The following DUSP3 variants were observed in gnomAD, a reference collection of about 807,000 sequenced individuals.
DUSP3 encodes the protein dual specificity protein phosphatase 3.
DUSP3 carries 7 observed loss-of-function variants against 15.5 expected under a neutral mutation model. The ratio of observed to expected loss-of-function variants is 0.45; its 90% CI spans 0.26 to 0.85. DUSP3 has a LOEUF of 0.85. Ranked by LOEUF, DUSP3 falls within the 40% of genes least tolerant of loss-of-function variation. The pLI, the probability that DUSP3 is intolerant of heterozygous loss-of-function variation, is 0.18. For synonymous variants in DUSP3, 86 were observed against 104.2 expected, an observed-to-expected ratio of 0.83 and a Z score of 1.07; for missense variants, 209 against 251.7, an observed-to-expected ratio of 0.83 and a Z score of 1.15.
At chr17:43,777,732 G>T in intron 1 of DUSP3, 1 of 312,520 alleles carries the variant, frequency 3.2e-6, no homozygotes, top group Non-Finnish European at 6.5e-6. Flanking sequence ...GTACAGGCAT[G>T]CTAATATATT....
chr17:43,778,721 G>C (rs1368828352), intron 1 of DUSP3, 79 bp downstream of exon 1: 2 of 1,393,846 alleles, frequency 1.4e-6, no homozygotes, highest in Non-Finnish European at 1.9e-6. Flanking sequence ...CCCAAGACTC[G>C]CGACACCCCG....
chr17:43,778,963 G>T lies in DUSP3; in HGVS notation c.-39C>A, dbSNP rs1029754153. ...CCCTGCACGCCCGGCAGGAGCAAGC[G>T]AGGCGGAGAGCGGCGGATCAGCTGG... On this transcript the variant is annotated 5_prime_UTR_variant, in exon 1 of 3. Transcript: ENST00000226004. 9 of 1,336,558 alleles carry T rather than the reference G, an allele frequency of 6.7e-6. No homozygotes were observed. The African/African-American group carries it at 9.1e-5, about 14-fold the overall frequency. 82.8% of individuals were successfully genotyped at this position (1,336,558 alleles called of 1,614,324 possible). A position where few individuals can be genotyped will look rare whatever the true frequency, so the allele number is the denominator to read the frequency against.
chr17:43,777,508 C>A (rs142145454), intron 1 of DUSP3: 1 of 455,922 alleles, frequency 2.2e-6, no homozygotes, highest in Non-Finnish European at 4.4e-6. Flanking sequence ...CAGGTCATAG[C>A]GGAGGTCAGG....
At chr17:43,774,649 T>C in intron 2 of DUSP3, 63 bp downstream of exon 2, 5 of 1,577,524 alleles carry the variant, frequency 3.2e-6, no homozygotes, top group Non-Finnish European at 4.4e-6. Context: ...TGTGGGCCTG[T>C]TTTCCAGAGG....
intron 1 of DUSP3, among the ~76,000 whole-genome samples, chr17:43,778,572 C>T (rs2097097773): frequency 6.6e-6 from 1 of 152,140 alleles, no homozygotes; most frequent in African/African-American, 2.4e-5. Flanking sequence ...CCGTGCACCC[C>T]GCCACGGGGA....
chr17:43,774,738 A>G lies in DUSP3; in HGVS notation c.326T>C (p.Ile109Thr), dbSNP rs1359451809. The G allele has an allele frequency of 2.5e-6, 4 of 1,614,204 alleles. No homozygotes were observed. Among genetic ancestry groups the G allele is most frequent in the Admixed American group, 1.7e-5 (1 of 60,030 alleles). The change falls in exon 2 of 3, where the codon ATT (isoleucine) becomes ACT (threonine). Residue 109 changes from isoleucine to threonine, a missense_variant. By Grantham distance (89) the Ile-to-Thr change is moderately conservative. Coordinates refer to ENST00000226004, the MANE Select transcript of DUSP3 (RefSeq NM_004090.4). ...ATTCTTTTGAGCCAAAGCCTGGTCA[A>G]TGAAGTCGGCAGCCCTTTCAAAGTA... ...SAYFERAADF[I>T]DQALAQKNGR...
intron 2 of DUSP3, among the ~76,000 whole-genome samples, chr17:43,774,260 A>G (rs1047887475): frequency 2.0e-5 from 3 of 151,956 alleles, no homozygotes; most frequent in African/African-American, 7.3e-5. Flanking sequence ...AGCACCCAAC[A>G]CTGAGGTGGC....
intron 1 of DUSP3, 51 bp downstream of exon 1, chr17:43,778,749 G>C: frequency 6.9e-7 from 1 of 1,453,170 alleles, no homozygotes; most frequent in South Asian, 1.4e-5. Flanking sequence ...CCTCGGGTGG[G>C]CGGGGCGTCC....
chr17:43,774,149 AG>A (rs1270513698), intron 2 of DUSP3: 3 of 266,614 alleles, frequency 1.1e-5, no homozygotes, highest in African/African-American at 5.0e-5. Flanking sequence ...GAGAGAGAAG[AG>A]GAAAAAAAAG....
At chr17:43,772,305 T>G (rs1974329715) in intron 2 of DUSP3, among the ~76,000 whole-genome samples, 1 of 152,182 alleles carries the variant, frequency 6.6e-6, no homozygotes, top group South Asian at 2.1e-4. Context: ...CCGGCCTGTA[T>G]GCCCGAAATA....
At chr17:43,770,990 ATGTGTGTGTGTGTG>A (rs71160061) in intron 2 of DUSP3, among the ~76,000 whole-genome samples, 1 of 146,654 alleles carries the variant, frequency 6.8e-6, no homozygotes, top group Non-Finnish European at 1.5e-5. Flanking sequence ...GTGTATATAT[ATGTGTGTGTGTGTG>A]TGTGTGTGTG....
Position 43,778,646 on chromosome 17 carries a change from C to T in DUSP3, c.125+154G>A, listed in dbSNP as rs531678242. 1.7e-3 allele frequency: 1,272 copies of T among 764,718 alleles called. 18 individuals are homozygous for T. In the African/African-American group the frequency reaches 0.022, roughly 13 times the overall value. 47.4% of individuals were successfully genotyped at this position (764,718 alleles called of 1,614,324 possible). A position where few individuals can be genotyped will look rare whatever the true frequency, so the allele number is the denominator to read the frequency against. On this transcript the variant is annotated intron_variant, in intron 1 of 2. Transcript: ENST00000226004. Reference sequence around the variant, plus strand: ...CCCCACGCGCGGGGGTAGGCGTCGACTCCAGGCCCCTCCCAAGCCCCCGCT... The same window carrying T: ...CCCCACGCGCGGGGGTAGGCGTCGATTCCAGGCCCCTCCCAAGCCCCCGCT...
intron 2 of DUSP3, among the ~76,000 whole-genome samples, chr17:43,772,062 C>T (rs1035124103): frequency 1.3e-5 from 2 of 150,770 alleles, no homozygotes; most frequent in South Asian, 4.2e-4. Context: ...TTTTTGGATG[C>T]GTTACAATCT....
intron 2 of DUSP3, 123 bp downstream of exon 2, chr17:43,774,589 C>T (rs1042657403): frequency 5.6e-6 from 6 of 1,080,828 alleles, no homozygotes; most frequent in African/African-American, 3.2e-5. Context: ...ACAGCTCTGT[C>T]GTTCACCCCA....
intron 1 of DUSP3, chr17:43,777,384 G>A: frequency 5.1e-6 from 2 of 394,970 alleles, no homozygotes; most frequent in Non-Finnish European, 1.0e-5. Context: ...GCTCAGACTG[G>A]TGAATGAATG....
chr17:43,770,670 A>G (rs924679242), intron 2 of DUSP3, among the ~76,000 whole-genome samples: 27 of 151,224 alleles, frequency 1.8e-4, no homozygotes, highest in Non-Finnish European at 3.5e-4. Context: ...AAAAAAAAAA[A>G]GAAGCCCGCG....
rs1451653245 is a variant in DUSP3 at position 43,767,828 on chromosome 17, A to C, written c.*1781T>G. The stretch of plus-strand genomic sequence containing the variant: ...AGAGAAAAGCGGACAGCAAATGACC[A>C]GGCTGGGCAGGGCTGCTTCTGTGTG... On this transcript the variant is annotated 3_prime_UTR_variant, in exon 3 of 3. Transcript: ENST00000226004. 6.6e-6 allele frequency: 1 copy of C among 152,144 alleles called. No homozygotes were observed. Among genetic ancestry groups the C allele is most frequent in the Non-Finnish European group, 1.5e-5 (1 of 68,056 alleles). 9.4% of individuals were successfully genotyped at this position (152,144 alleles called of 1,614,324 possible).
Position 43,766,212 on chromosome 17 carries a change from A to G in DUSP3, c.*3397T>C, listed in dbSNP as rs1974240667. 6.6e-6 allele frequency: 1 copy of G among 152,618 alleles called. No individual in the cohort carries two copies. The highest frequency in any genetic ancestry group is 2.1e-4 in the South Asian group (1 of 4,834). 9.5% of individuals were successfully genotyped at this position (152,618 alleles called of 1,614,324 possible). ...AACGGACATTAAACTTCCTTTTAAA[A>G]AGAAAAAAACAATTTGGTAGCTCTC... On this transcript the variant is annotated 3_prime_UTR_variant, in exon 3 of 3. Coordinates refer to ENST00000226004, the MANE Select transcript of DUSP3 (RefSeq NM_004090.4).
At chr17:43,778,773 G>T (rs1327300835) in intron 1 of DUSP3, 27 bp downstream of exon 1, 1 of 1,505,956 alleles carries the variant, frequency 6.6e-7, no homozygotes, top group East Asian at 2.8e-5. Context: ...GAGGGACGGC[G>T]GGGCCGGGCT....
Sources: allele counts gnomAD v4.1 joint callset (sites outside exome capture counted in the v4.1 genomes callset), GRCh38; gene constraint gnomAD v4.1.1; transcripts MANE v1.5; gene names NCBI Gene and HGNC (gene_info 2026-07-23, HGNC 2026-07-21).